RERG: variants seen among roughly 807,000 people sequenced by gnomAD.
RERG encodes the protein RAS like estrogen regulated growth inhibitor, also known as ras-related and estrogen-regulated growth inhibitor.
A neutral mutation model predicts 23.2 loss-of-function variants in RERG; 25 were observed. The observed-to-expected ratio is 1.08, with a 90% CI of 0.79 to 1.50. The LOEUF (loss-of-function observed/expected upper bound fraction) is 1.50, where lower values mean the gene tolerates loss of function less well. RERG is among the 40% of genes most tolerant of loss of function. The pLI, the probability that RERG is intolerant of heterozygous loss-of-function variation, is 0.00. For synonymous variants in RERG, 81 were observed against 89.1 expected (o/e 0.91, Z 0.51); for missense variants, 253 against 250.1 (o/e 1.01, Z -0.08).
intron 2 of RERG, among the ~76,000 whole-genome samples, chr12:15,195,817 G>T (rs1865136915): frequency 6.6e-6 from 1 of 151,948 alleles, no homozygotes; most frequent in African/African-American, 2.4e-5. Flanking sequence ...CACAGCTTTG[G>T]TTCTCATCCT....
intron 2 of RERG, among the ~76,000 whole-genome samples, chr12:15,179,291 T>G (rs1287310606): frequency 6.6e-6 from 1 of 152,210 alleles, no homozygotes; most frequent in African/African-American, 2.4e-5. Context: ...CAGAGTCACT[T>G]TCTGCAATCT....
intron 2 of RERG, among the ~76,000 whole-genome samples, chr12:15,159,814 A>T (rs1377970422): frequency 1.3e-5 from 2 of 152,104 alleles, no homozygotes; most frequent in African/African-American, 2.4e-5. Flanking sequence ...ACAGAGCAGG[A>T]CTCCGTCTCA....
At chr12:15,135,770 C>T (rs1033074966) in intron 2 of RERG, among the ~76,000 whole-genome samples, 8 of 152,028 alleles carry the variant, frequency 5.3e-5, no homozygotes, top group African/African-American at 1.9e-4. Context: ...ATGGCATATA[C>T]ACCTTTTTAT....
chr12:15,174,374 T>C (rs1006966050), intron 2 of RERG, among the ~76,000 whole-genome samples: 1 of 152,044 alleles, frequency 6.6e-6, no homozygotes, highest in African/African-American at 2.4e-5. Context: ...TTTTCCCTTG[T>C]TGCTTTTAAG....
chr12:15,139,648 C>T (rs1366083484), intron 2 of RERG, among the ~76,000 whole-genome samples: 1 of 152,070 alleles, frequency 6.6e-6, no homozygotes, highest in African/African-American at 2.4e-5. Context: ...AAGCAATTAA[C>T]TTTTATACAT....
chr12:15,201,788 T>C (rs1044174609), intron 2 of RERG, among the ~76,000 whole-genome samples: 2 of 151,532 alleles, frequency 1.3e-5, no homozygotes, highest in Admixed American at 6.6e-5. Flanking sequence ...CTATCTCACT[T>C]GATTTTGGTC....
At chr12:15,174,543 T>G (rs897723701) in intron 2 of RERG, among the ~76,000 whole-genome samples, 1 of 151,336 alleles carries the variant, frequency 6.6e-6, no homozygotes, top group African/African-American at 2.4e-5. Context: ...TGGGCCATAA[T>G]TTTTTCAAGT....
In RERG at chr12:15,186,199, C is replaced by A. The variant is rs962360353; in HGVS notation, c.61+31230G>T. ...TTATATACATTATTTCAGAGGATAC[C>A]CAAATAGCTATACAAATTATATTTA... is the stretch of plus-strand genomic sequence containing the variant. On this transcript the variant is annotated intron_variant, in intron 2 of 4. Transcript: ENST00000256953. Among the ~76,000 whole-genome samples the A allele has an allele frequency of 4.6e-5, 7 of 151,196 alleles. No homozygotes were observed. In the East Asian group the frequency reaches 9.6e-4, roughly 21 times the overall value.
intron 3 of RERG, among the ~76,000 whole-genome samples, chr12:15,115,077 T>A (rs375836269): frequency 6.6e-6 from 1 of 151,926 alleles, no homozygotes; most frequent in South Asian, 2.1e-4. Context: ...AATACCAGAT[T>A]TGGTTATAAT....
chr12:15,140,168 C>T (rs974281543), intron 2 of RERG, among the ~76,000 whole-genome samples: 2 of 152,090 alleles, frequency 1.3e-5, no homozygotes, highest in African/African-American at 2.4e-5. Flanking sequence ...GGAGGTGGAG[C>T]CTTTCGGAGA....
At chr12:15,219,357 G>C (rs1377975230) in intron 1 of RERG, among the ~76,000 whole-genome samples, 1 of 152,120 alleles carries the variant, frequency 6.6e-6, no homozygotes, top group African/African-American at 2.4e-5. Context: ...TACCTAATAA[G>C]GTTTTGTATT....
chr12:15,137,062 C>T (rs1864156017), intron 2 of RERG, among the ~76,000 whole-genome samples: 1 of 151,740 alleles, frequency 6.6e-6, no homozygotes, highest in Non-Finnish European at 1.5e-5. Flanking sequence ...CAGGTTTTAC[C>T]TCACACATTT....
intron 3 of RERG, among the ~76,000 whole-genome samples, chr12:15,111,759 C>T (rs909737316): frequency 1.9e-4 from 28 of 150,174 alleles, no homozygotes; most frequent in African/African-American, 6.9e-4. Flanking sequence ...TATCAGCTCA[C>T]TGAAACCCGG....
chr12:15,169,082 C>T (rs1056991370), intron 2 of RERG, among the ~76,000 whole-genome samples: 4 of 152,058 alleles, frequency 2.6e-5, no homozygotes, highest in Non-Finnish European at 5.9e-5. Flanking sequence ...AAATAAAACA[C>T]GTTCTCATTG....
chr12:15,201,540 A>G (rs1452371935), intron 2 of RERG, among the ~76,000 whole-genome samples: 1 of 150,246 alleles, frequency 6.7e-6, no homozygotes, highest in Non-Finnish European at 1.5e-5. Context: ...TACCTAATTA[A>G]TATTAGCTAA....
intron 2 of RERG, among the ~76,000 whole-genome samples, chr12:15,146,079 C>T (rs559282634): frequency 6.6e-6 from 1 of 152,236 alleles, no homozygotes; most frequent in South Asian, 2.1e-4. Context: ...CTCTGTTATT[C>T]TCTTTAGAAT....
intron 4 of RERG, 113 bp downstream of exon 4, chr12:15,111,230 AG>A: frequency 1.5e-6 from 1 of 688,768 alleles, no homozygotes; most frequent in Non-Finnish European, 2.5e-6. Flanking sequence ...TTAGAGAAAA[AG>A]GTTTTAGGCA....
At chr12:15,162,096 A>G (rs1172337825) in intron 2 of RERG, among the ~76,000 whole-genome samples, 1 of 152,242 alleles carries the variant, frequency 6.6e-6, no homozygotes, top group East Asian at 1.9e-4. Context: ...TTGAAAAATG[A>G]GACTACTGCC....
chr12:15,175,688 C>T (rs1864841275), intron 2 of RERG, among the ~76,000 whole-genome samples: 1 of 152,036 alleles, frequency 6.6e-6, no homozygotes, highest in Admixed American at 6.6e-5. Flanking sequence ...TTGAAAAATT[C>T]CCTGGGGATA....
Sources: allele counts gnomAD v4.1 joint callset (sites outside exome capture counted in the v4.1 genomes callset), GRCh38; gene constraint gnomAD v4.1.1; transcripts MANE v1.5; gene names NCBI Gene and HGNC (gene_info 2026-07-23, HGNC 2026-07-21).